GMPR: variants seen among roughly 807,000 people sequenced by gnomAD.
GMPR encodes the protein guanosine monophosphate reductase, also known as GMP reductase 1.
A neutral mutation model predicts 38.4 loss-of-function variants in GMPR; 31 were observed. The ratio of observed to expected loss-of-function variants is 0.81; its 90% confidence interval spans 0.61 to 1.09. The LOEUF is 1.09. Among genes scored for constraint, GMPR ranks in the 50% least tolerant of loss-of-function variants. GMPR has a pLI of 0.00. For missense variants in GMPR, 468 were observed against 453.7 expected, an observed-to-expected ratio of 1.03 and a Z score of -0.29; for synonymous variants, 162 against 173.3, an observed-to-expected ratio of 0.93 and a Z score of 0.51.
intron 4 of GMPR, among the ~76,000 whole-genome samples, chr6:16,267,183 G>GT (rs1205346185): frequency 6.6e-6 from 1 of 152,114 alleles, no homozygotes; most frequent in Non-Finnish European, 1.5e-5. Flanking sequence ...CTAACACGGT[G>GT]AAACCCTATC....
chr6:16,261,396 C>T (rs1341674888), intron 4 of GMPR, among the ~76,000 whole-genome samples: 3 of 146,326 alleles, frequency 2.1e-5, no homozygotes, highest in Non-Finnish European at 4.5e-5. Flanking sequence ...CTGAGCCTGA[C>T]GGGTGTCAGG....
chr6:16,284,162 G>C (rs942518161), intron 6 of GMPR, among the ~76,000 whole-genome samples: 1 of 152,148 alleles, frequency 6.6e-6, no homozygotes, highest in Non-Finnish European at 1.5e-5. Flanking sequence ...AAATAACTGT[G>C]GTCAGTAAAT....
chr6:16,240,446 A>G (rs1758625420), intron 1 of GMPR, among the ~76,000 whole-genome samples: 1 of 152,172 alleles, frequency 6.6e-6, no homozygotes, highest in African/African-American at 2.4e-5. Flanking sequence ...AGGCGGGAGG[A>G]TGGCTTGAGC....
intron 4 of GMPR, among the ~76,000 whole-genome samples, chr6:16,257,017 G>C (rs895715193): frequency 6.6e-6 from 1 of 152,204 alleles, no homozygotes; most frequent in Non-Finnish European, 1.5e-5. Flanking sequence ...GTCCTAACAA[G>C]GCGACTCTTA....
intron 8 of GMPR, among the ~76,000 whole-genome samples, chr6:16,292,106 C>T (rs895403446): frequency 1.3e-5 from 2 of 152,170 alleles, no homozygotes; most frequent in Admixed American, 6.5e-5. Flanking sequence ...TCAGGCTTCT[C>T]CCTCCAATTT....
At chr6:16,287,160 G>T (rs1759700987) in intron 7 of GMPR, among the ~76,000 whole-genome samples, 1 of 152,218 alleles carries the variant, frequency 6.6e-6, no homozygotes, top group South Asian at 2.1e-4. Flanking sequence ...CAAGGTCACA[G>T]CCCTACAATC....
chr6:16,274,344 G>C, intron 4 of GMPR, 71 bp from the exon 5 acceptor site: 1 of 951,566 alleles, frequency 1.1e-6, no homozygotes, highest in Non-Finnish European at 1.7e-6. Context: ...CTCGTGTTCA[G>C]GTGTGGGGTT....
intron 4 of GMPR, among the ~76,000 whole-genome samples, chr6:16,257,289 C>T (rs1759000940): frequency 6.6e-6 from 1 of 152,224 alleles, no homozygotes; most frequent in Non-Finnish European, 1.5e-5. Context: ...CTCTTCCAGA[C>T]CTCACCCTAT....
chr6:16,245,098 C>T (rs1183881652), intron 1 of GMPR, among the ~76,000 whole-genome samples: 1 of 152,124 alleles, frequency 6.6e-6, no homozygotes, highest in Non-Finnish European at 1.5e-5. Context: ...GAGCCATTAG[C>T]CACACACAGG....
At chr6:16,279,172 T>C (rs1050999319) in intron 6 of GMPR, among the ~76,000 whole-genome samples, 1 of 152,220 alleles carries the variant, frequency 6.6e-6, no homozygotes, top group Non-Finnish European at 1.5e-5. Flanking sequence ...CACAGCTTGC[T>C]AGAACAGTTG....
At position 16,293,447 on chromosome 6, in the gene GMPR, G is replaced by A. The variant is rs184436295; in HGVS notation, c.858-1559G>A. Among the ~76,000 whole-genome samples, 295 of 152,292 alleles carry A rather than the reference G, an allele frequency of 1.9e-3. 1 individual carries two copies. Among genetic ancestry groups the A allele is most frequent in the Admixed American group, 4.7e-3 (72 of 15,294 alleles). On this transcript the variant is annotated intron_variant, in intron 8 of 8. Transcript: ENST00000259727. ...CTTCCTGAGCTTGGGGCTCTAAACCGGCTGATGGTTTAAGTAGCTGGATTT... is the reference window on the plus strand; with the variant it reads ...CTTCCTGAGCTTGGGGCTCTAAACCAGCTGATGGTTTAAGTAGCTGGATTT...
At chr6:16,290,171 G>A (rs1321907047) in intron 7 of GMPR, 1 of 306,546 alleles carries the variant, frequency 3.3e-6, no homozygotes, top group Non-Finnish European at 6.2e-6. Context: ...TAGATCTGAG[G>A]AAGGTGGTCG....
chr6:16,249,871 G>A (rs372244720), intron 2 of GMPR, among the ~76,000 whole-genome samples: 5 of 152,306 alleles, frequency 3.3e-5, no homozygotes, highest in South Asian at 2.1e-4. Context: ...CTTCAGGGTC[G>A]GCTAAGCAGA....
At chr6:16,248,314 A>C (rs1342946991) in intron 2 of GMPR, among the ~76,000 whole-genome samples, 1 of 151,720 alleles carries the variant, frequency 6.6e-6, no homozygotes, top group Admixed American at 6.6e-5. Context: ...AATTAAAAAA[A>C]AATTAAAAAT....
intron 6 of GMPR, 135 bp from the exon 7 acceptor site, chr6:16,285,658 G>A (rs946988260): frequency 4.1e-5 from 29 of 708,822 alleles, no homozygotes; most frequent in Non-Finnish European, 7.1e-5. Context: ...GCCGTGGTAG[G>A]GGAACTTGGG....
At position 16,265,148 on chromosome 6, in the gene GMPR, T is replaced by C. The variant is rs193111237; in HGVS notation, c.466-9267T>C. 1.5e-4 allele frequency among the ~76,000 whole-genome samples: 23 copies of C among 152,308 alleles called. No individual in the cohort carries two copies. In the East Asian group the frequency reaches 3.9e-3, roughly 26 times the overall value. On this transcript the variant is annotated intron_variant, in intron 4 of 8. Coordinates refer to ENST00000259727, the MANE Select transcript of GMPR (RefSeq NM_006877.4). ...AAAAAAAGTTTGTAGAAACAGAATATTGCAGTGTTGACCAGGGTGATCTCA... is the reference window on the plus strand; with the variant it reads ...AAAAAAAGTTTGTAGAAACAGAATACTGCAGTGTTGACCAGGGTGATCTCA...
intron 5 of GMPR, among the ~76,000 whole-genome samples, chr6:16,276,824 A>G (rs1488697340): frequency 6.6e-6 from 1 of 152,248 alleles, no homozygotes; most frequent in Admixed American, 6.5e-5. Context: ...GGGAACTGGG[A>G]AAAAGCATCA....
At position 16,238,726 on chromosome 6, in the gene GMPR, C is replaced by T. The variant is rs1561816451; in HGVS notation, c.33C>T (p.Asp11=). 4.8e-6 allele frequency: 7 copies of T among 1,452,570 alleles called. No individual in the cohort carries two copies. The highest frequency in any genetic ancestry group is 5.5e-6 in the Non-Finnish European group (6 of 1,090,594). The allele number at this position is 1,452,570 out of a possible 1,614,324, so 90.0% of individuals were successfully genotyped here. A position where few individuals can be genotyped will look rare whatever the true frequency, so the allele number is the denominator to read the frequency against. The change falls in exon 1 of 9, where the codon GAC becomes GAT. Residue 11 remains aspartate (D), a synonymous_variant. Transcript: ENST00000259727. Reference sequence around the variant, plus strand: ...GCATAGATGCGGACCTCAAGCTCGACTTCAAGGATGTCCTGCTCCGACCTA... The same window carrying T: ...GCATAGATGCGGACCTCAAGCTCGATTTCAAGGATGTCCTGCTCCGACCTA... MPRIDADLKL[D]FKDVLLRPKR... is the part of the protein sequence containing the mutation.
chr6:16,288,704 A>G (rs1311607737), intron 7 of GMPR, among the ~76,000 whole-genome samples: 2 of 152,212 alleles, frequency 1.3e-5, no homozygotes, highest in Non-Finnish European at 2.9e-5. Flanking sequence ...CACTGGATGA[A>G]GCCAGCTGGG....
Sources: gnomAD v4.1 joint callset for allele counts (sites outside exome capture counted in the v4.1 genomes callset) on GRCh38, gnomAD v4.1.1 for gene constraint, MANE v1.5 for transcripts, NCBI Gene and HGNC (gene_info 2026-07-23, HGNC 2026-07-21) for gene names.